The following LAMA2 variants were observed in gnomAD, a reference collection of about 807,000 sequenced individuals.
LAMA2 encodes laminin subunit alpha 2.
LAMA2 carries 269 observed loss-of-function variants against 364.8 expected under a neutral mutation model. The observed-to-expected ratio is 0.74, with a 90% CI of 0.67 to 0.82. LAMA2 has a LOEUF of 0.82. LAMA2 is among the 40% of genes least tolerant of loss of function. LAMA2 has a pLI of 0.00. For synonymous variants in LAMA2, 1,379 were observed against 1,370.6 expected (o/e 1.01, Z -0.14); for missense variants, 3,807 against 3,873.2 (o/e 0.98, Z 0.45).
At chr6:128,962,387 T>C (rs1023724360) in intron 1 of LAMA2, among the ~76,000 whole-genome samples, 18 of 151,790 alleles carry the variant, frequency 1.2e-4, no homozygotes, top group Non-Finnish European at 1.9e-4. Flanking sequence ...TTCTGAGCCC[T>C]ATCTATGCTT....
chr6:128,899,698 A>G (rs1252049388), intron 1 of LAMA2, among the ~76,000 whole-genome samples: 2 of 152,198 alleles, frequency 1.3e-5, no homozygotes, highest in East Asian at 3.9e-4. Context: ...GATATGAGTT[A>G]TTATTATTAA....
intron 1 of LAMA2, among the ~76,000 whole-genome samples, chr6:128,995,145 A>C (rs1258856682): frequency 6.6e-6 from 1 of 152,202 alleles, no homozygotes; most frequent in Non-Finnish European, 1.5e-5. Flanking sequence ...TAAATATCAC[A>C]GTACTTATCA....
At chr6:129,390,099 A>G (rs980554591) in intron 35 of LAMA2, among the ~76,000 whole-genome samples, 16 of 152,238 alleles carry the variant, frequency 1.1e-4, no homozygotes, top group African/African-American at 3.9e-4. Context: ...AAAGAATTAT[A>G]AAGATGCATT....
chr6:129,026,928 C>A (rs146242687), intron 1 of LAMA2, among the ~76,000 whole-genome samples: 1 of 152,148 alleles, frequency 6.6e-6, no homozygotes, highest in East Asian at 1.9e-4. Flanking sequence ...TCTGCTCAGA[C>A]CTTTATTTCT....
At chr6:129,111,665 A>G (rs1191670252) in intron 4 of LAMA2, among the ~76,000 whole-genome samples, 2 of 152,018 alleles carry the variant, frequency 1.3e-5, no homozygotes, top group East Asian at 3.9e-4. Context: ...ACAGTATTTT[A>G]GCAAAAGTAT....
intron 9 of LAMA2, among the ~76,000 whole-genome samples, chr6:129,173,094 C>T (rs965030084): frequency 3.3e-5 from 5 of 152,294 alleles, no homozygotes; most frequent in African/African-American, 1.2e-4. Context: ...GTGAGATGAA[C>T]CCGGTACCTC....
intron 29 of LAMA2, among the ~76,000 whole-genome samples, chr6:129,340,449 C>T (rs1431453018): frequency 6.6e-6 from 1 of 151,864 alleles, no homozygotes; most frequent in Non-Finnish European, 1.5e-5. Flanking sequence ...AGGACGGAAA[C>T]AAATGTCAAA....
At chr6:129,295,068 G>A (rs1773073358) in intron 20 of LAMA2, among the ~76,000 whole-genome samples, 1 of 152,128 alleles carries the variant, frequency 6.6e-6, no homozygotes. Flanking sequence ...AGCAGTATGT[G>A]TGAGAGCTGA....
intron 1 of LAMA2, among the ~76,000 whole-genome samples, chr6:128,991,525 A>G (rs1171683578): frequency 6.6e-6 from 1 of 152,224 alleles, no homozygotes; most frequent in Non-Finnish European, 1.5e-5. Context: ...AATTCTTTAC[A>G]CTAAATTAAA....
chr6:129,006,405 A>T (rs535148331), intron 1 of LAMA2, among the ~76,000 whole-genome samples: 5 of 152,260 alleles, frequency 3.3e-5, no homozygotes, highest in African/African-American at 1.2e-4. Context: ...ACCCGATTCA[A>T]ACATTCTTGC....
At chr6:129,041,444 G>T (rs937410012) in intron 1 of LAMA2, among the ~76,000 whole-genome samples, 23 of 152,172 alleles carry the variant, frequency 1.5e-4, no homozygotes, top group Admixed American at 1.4e-3. Context: ...TTTTTGCCCA[G>T]TTCCTCTGAT....
At chr6:128,883,626 C>T (rs1038959831) in intron 1 of LAMA2, among the ~76,000 whole-genome samples, 5 of 151,828 alleles carry the variant, frequency 3.3e-5, no homozygotes, top group African/African-American at 1.2e-4. Context: ...ACGATACATC[C>T]CGTAAATTGA....
At chr6:129,322,713 A>G (rs868211497) in intron 28 of LAMA2, among the ~76,000 whole-genome samples, 105 of 152,172 alleles carry the variant, frequency 6.9e-4, no homozygotes, top group African/African-American at 2.4e-3. Flanking sequence ...ATTTATTTGA[A>G]ATAATACTGT....
chr6:129,275,799 T>C (rs1473754182), intron 17 of LAMA2, among the ~76,000 whole-genome samples: 1 of 151,956 alleles, frequency 6.6e-6, no homozygotes, highest in Non-Finnish European at 1.5e-5. Context: ...CAATATGCTT[T>C]CATACTTTTT....
chr6:128,925,685 TTAAAA>T (rs1179285344), intron 1 of LAMA2, among the ~76,000 whole-genome samples: 4 of 152,218 alleles, frequency 2.6e-5, no homozygotes, highest in Non-Finnish European at 5.9e-5. Context: ...TTACAATACT[TTAAAA>T]TAATTCAAAA....
intron 21 of LAMA2, among the ~76,000 whole-genome samples, chr6:129,299,059 C>A (rs973815093): frequency 6.6e-6 from 1 of 150,902 alleles, no homozygotes. Context: ...TAAATGAGAC[C>A]AAGAATATTA....
chr6:129,409,936 T>C (rs1383382345), intron 40 of LAMA2, among the ~76,000 whole-genome samples: 1 of 152,150 alleles, frequency 6.6e-6, no homozygotes, highest in Non-Finnish European at 1.5e-5. Flanking sequence ...CACTCAGTAT[T>C]AACCATCACA....
intron 56 of LAMA2, chr6:129,490,776 TAAAG>T (rs1485490754): frequency 6.6e-6 from 1 of 152,164 alleles, no homozygotes; most frequent in African/African-American, 2.4e-5. Context: ...CATAGTTTGG[TAAAG>T]AAAGAAACCT....
At chr6:128,888,175 C>T (rs965908346) in intron 1 of LAMA2, among the ~76,000 whole-genome samples, 10 of 152,024 alleles carry the variant, frequency 6.6e-5, no homozygotes, top group African/African-American at 2.4e-4. Flanking sequence ...AGTAGATTTT[C>T]CAGGCTTAGT....
Sources: allele counts gnomAD v4.1 joint callset (sites outside exome capture counted in the v4.1 genomes callset), GRCh38; gene constraint gnomAD v4.1.1; transcripts MANE v1.5; gene names NCBI Gene and HGNC (gene_info 2026-07-23, HGNC 2026-07-21).